Variants in TTK observed in about 807,000 individuals in gnomAD.
TTK encodes the protein dual specificity protein kinase TTK.
In TTK, 59 loss-of-function variants were observed where a neutral mutation model predicts 117.3. That is an observed-to-expected ratio of 0.50 (90% CI 0.41 to 0.62). TTK has a LOEUF of 0.62. TTK is among the 20% of genes least tolerant of loss of function. The pLI is 0.00. For synonymous variants in TTK, 302 were observed against 325.0 expected (o/e 0.93, Z 0.76); for missense variants, 921 against 989.4 (o/e 0.93, Z 0.93).
intron 10 of TTK, among the ~76,000 whole-genome samples, chr6:80,015,290 G>A (rs35213475): frequency 0.01 from 1,590 of 152,174 alleles, 11 homozygotes; most frequent in Non-Finnish European, 0.017. Flanking sequence ...ACTGTAACAT[G>A]GGTAGTGTGC....
At chr6:80,013,516 T>C (rs529714738) in intron 9 of TTK, 150 bp downstream of exon 9, 2 of 594,216 alleles carry the variant, frequency 3.4e-6, no homozygotes, top group Admixed American at 6.5e-5. Context: ...GGACTACGAG[T>C]GGGAAGTTGG....
chr6:80,008,067 T>C, intron 3 of TTK, 36 bp downstream of exon 3: 1 of 1,594,928 alleles, frequency 6.3e-7, no homozygotes, highest in Non-Finnish European at 8.6e-7. Flanking sequence ...TCAACTATGT[T>C]ACATAATATG....
chr6:80,033,518 C>T (rs746167488), intron 14 of TTK, among the ~76,000 whole-genome samples: 8 of 152,156 alleles, frequency 5.3e-5, no homozygotes, highest in Non-Finnish European at 1.0e-4. Flanking sequence ...CTGATTTGCT[C>T]AGTGATATTA....
chr6:80,039,958 G>T, intron 19 of TTK, 86 bp downstream of exon 19: 1 of 1,145,074 alleles, frequency 8.7e-7, no homozygotes, highest in Non-Finnish European at 1.2e-6. Flanking sequence ...AGATATAACT[G>T]TTCTATTCAA....
intron 8 of TTK, 78 bp from the exon 9 acceptor site, chr6:80,013,201 A>G (rs1767210486): frequency 8.4e-7 from 1 of 1,194,490 alleles, no homozygotes; most frequent in African/African-American, 1.6e-5. Flanking sequence ...TTAAAAATCC[A>G]ACTTGAGATG....
intron 11 of TTK, among the ~76,000 whole-genome samples, chr6:80,025,026 C>T (rs1767568564): frequency 6.6e-6 from 1 of 152,172 alleles, no homozygotes; most frequent in Non-Finnish European, 1.5e-5. Context: ...GCTTCTACAC[C>T]CCTGTGTATT....
Position 80,039,823 on chromosome 6 carries a change from A to G in TTK, c.2258A>G (p.Glu753Gly). 6.3e-7 allele frequency: 1 copy of G among 1,588,654 alleles called. No individual in the cohort carries two copies. The highest frequency in any genetic ancestry group is 8.6e-7 in the Non-Finnish European group (1 of 1,169,366). Residue 753 changes from glutamate to glycine, a missense_variant, in exon 19 of 22, where the codon GAA (glutamate) becomes GGA (glycine). Glu to Gly is a moderately conservative substitution (Grantham distance 98). Coordinates refer to ENST00000369798, the MANE Select transcript of TTK (RefSeq NM_003318.5). ...CATGCCATAATTGATCCTAATCATG[A>G]AATTGAATTTCCCGATATTCCAGAG... ...KLHAIIDPNH[E>G]IEFPDIPEKD...
intron 2 of TTK, 74 bp from the exon 3 acceptor site, chr6:80,007,735 A>G (rs1767031183): frequency 1.6e-6 from 2 of 1,261,876 alleles, no homozygotes; most frequent in South Asian, 1.5e-5. Flanking sequence ...GTTTGACTAT[A>G]TTTTGAAGGA....
intron 18 of TTK, among the ~76,000 whole-genome samples, chr6:80,038,380 C>G (rs1022059874): frequency 1.3e-5 from 2 of 152,056 alleles, no homozygotes; most frequent in African/African-American, 4.8e-5. Flanking sequence ...ACCTTGATGC[C>G]TTGGGCTCCC....
chr6:80,033,736 T>C (rs993851445), intron 14 of TTK, among the ~76,000 whole-genome samples: 5 of 148,866 alleles, frequency 3.4e-5, no homozygotes, highest in Admixed American at 1.4e-4. Flanking sequence ...TCTTATTAAC[T>C]TACCAAAAAT....
chr6:80,008,064 T>C (rs905725377), intron 3 of TTK, 33 bp downstream of exon 3: 2 of 1,596,722 alleles, frequency 1.3e-6, no homozygotes, highest in African/African-American at 2.7e-5. Flanking sequence ...TGTTCAACTA[T>C]GTTACATAAT....
chr6:80,016,812 A>G (rs1312986973), intron 10 of TTK, among the ~76,000 whole-genome samples: 1 of 152,212 alleles, frequency 6.6e-6, no homozygotes, highest in East Asian at 1.9e-4. Flanking sequence ...CTTTCTCTCC[A>G]AGCAGTGGAT....
intron 11 of TTK, among the ~76,000 whole-genome samples, chr6:80,023,970 T>G (rs954469975): frequency 6.6e-6 from 1 of 152,220 alleles, no homozygotes; most frequent in Non-Finnish European, 1.5e-5. Context: ...TCCTCTTTTT[T>G]TTCTATTTGA....
intron 18 of TTK, among the ~76,000 whole-genome samples, chr6:80,038,396 A>C (rs577699451): frequency 1.6e-4 from 25 of 152,172 alleles, no homozygotes; most frequent in South Asian, 1.5e-3. Context: ...CTCCCAGGCT[A>C]ACCCTTCTTT....
intron 10 of TTK, among the ~76,000 whole-genome samples, chr6:80,021,779 T>C (rs1767465755): frequency 6.6e-6 from 1 of 152,140 alleles, no homozygotes; most frequent in African/African-American, 2.4e-5. Flanking sequence ...AAGAGGAGTC[T>C]GCAACTCCAT....
chr6:80,018,112 C>G (rs1767358785), intron 10 of TTK, among the ~76,000 whole-genome samples: 1 of 151,454 alleles, frequency 6.6e-6, no homozygotes, highest in South Asian at 2.1e-4. Flanking sequence ...GAGGTCGAGA[C>G]TGCAATGAGC....
chr6:80,040,487 G>T, intron 20 of TTK, 119 bp from the exon 21 acceptor site: 1 of 918,108 alleles, frequency 1.1e-6, no homozygotes, highest in South Asian at 2.2e-5. Context: ...TCCAGATAAC[G>T]GGTTATAATC....
chr6:80,023,189 T>C (rs555951265), intron 11 of TTK, among the ~76,000 whole-genome samples: 2 of 152,350 alleles, frequency 1.3e-5, no homozygotes, highest in Admixed American at 6.5e-5. Flanking sequence ...TTTTATACTC[T>C]TAATTATCAG....
chr6:80,007,991 A>ACCCC lies in TTK; in HGVS notation c.322_323insCCCC (p.Ser108ThrfsTer5). The ACCCC allele has an allele frequency of 8.9e-5, 142 of 1,590,484 alleles. No homozygotes were observed. The highest frequency in any genetic ancestry group is 1.1e-4 in the Non-Finnish European group (130 of 1,159,000). On this transcript the variant is annotated frameshift_variant, in exon 3 of 22. Coordinates refer to ENST00000369798, the MANE Select transcript of TTK (RefSeq NM_003318.5). LOFTEE classifies it high-confidence loss of function. ...CCCAGATAAATATGGCCAAAATGAG[A>ACCCC]GTTTTGCTAGAATTCAAGTGAGATT...
Sources: gnomAD v4.1 joint callset for allele counts (sites outside exome capture counted in the v4.1 genomes callset) on GRCh38, gnomAD v4.1.1 for gene constraint, MANE v1.5 for transcripts, NCBI Gene and HGNC (gene_info 2026-07-23, HGNC 2026-07-21) for gene names.